Variants in AK8 observed in about 807,000 individuals in gnomAD.
AK8 encodes the protein ATP-AMP transphosphorylase 8.
A neutral mutation model predicts 54.6 loss-of-function variants in AK8; 44 were observed. The ratio of observed to expected loss-of-function variants is 0.81; its 90% CI spans 0.63 to 1.04. AK8 has a LOEUF of 1.04. AK8 is among the 50% of genes least tolerant of loss of function. The pLI, the probability that AK8 is intolerant of heterozygous loss-of-function variation, is 0.00. For missense variants in AK8, 555 were observed against 613.6 expected (o/e 0.90, Z 1.01); for synonymous variants, 239 against 245.6 (o/e 0.97, Z 0.25).
chr9:132,741,502 T>C (rs1427610765), intron 11 of AK8, among the ~76,000 whole-genome samples: 9 of 152,158 alleles, frequency 5.9e-5, no homozygotes, highest in Non-Finnish European at 1.0e-4. Context: ...TTGGTGAACA[T>C]TTCCTCCGTG....
At chr9:132,834,310 G>A (rs1157902429) in intron 5 of AK8, among the ~76,000 whole-genome samples, 1 of 152,130 alleles carries the variant, frequency 6.6e-6, no homozygotes, top group Non-Finnish European at 1.5e-5. Context: ...CTACCTTGAT[G>A]AACATAAAAA....
rs550080231 is a variant in AK8 at position 132,823,453 on chromosome 9, C to T, written c.758-117G>A. 126 of 1,375,726 alleles carry T rather than the reference C, an allele frequency of 9.2e-5. No individual in the cohort carries two copies. The African/African-American group carries it at 1.5e-3, about 16-fold the overall frequency. 85.2% of individuals were successfully genotyped at this position (1,375,726 alleles called of 1,614,324 possible). A position where few individuals can be genotyped will look rare whatever the true frequency, so the allele number is the denominator to read the frequency against. On this transcript the variant is annotated intron_variant, in intron 8 of 12. Transcript: ENST00000298545. ...GTAACTCTTTTTCTCTTTCACAGCACCATGGAAGCCCTCTGTGCATCTGGC... is the reference window on the plus strand; with the variant it reads ...GTAACTCTTTTTCTCTTTCACAGCATCATGGAAGCCCTCTGTGCATCTGGC...
intron 11 of AK8, among the ~76,000 whole-genome samples, chr9:132,740,717 C>A (rs1016643778): frequency 1.3e-5 from 2 of 152,098 alleles, no homozygotes; most frequent in African/African-American, 2.4e-5. Flanking sequence ...GAGCACCCCC[C>A]CGCCCCACTC....
chr9:132,778,096 C>T (rs1839305299), intron 11 of AK8, among the ~76,000 whole-genome samples: 1 of 152,180 alleles, frequency 6.6e-6, no homozygotes, highest in Non-Finnish European at 1.5e-5. Flanking sequence ...TAGGATGGGC[C>T]TTCTGTTAGG....
chr9:132,822,929 A>G (rs928209402), intron 9 of AK8, among the ~76,000 whole-genome samples: 13 of 152,148 alleles, frequency 8.5e-5, no homozygotes, highest in African/African-American at 3.1e-4. Flanking sequence ...CCCGCTCCAA[A>G]GGATATAAAA....
intron 5 of AK8, among the ~76,000 whole-genome samples, chr9:132,851,715 C>T (rs1000381765): frequency 1.3e-5 from 2 of 152,198 alleles, no homozygotes; most frequent in Non-Finnish European, 2.9e-5. Context: ...TTGCTGAACA[C>T]AGGACTGACA....
At chr9:132,736,709 C>T (rs1438802506) in intron 11 of AK8, among the ~76,000 whole-genome samples, 2 of 145,966 alleles carry the variant, frequency 1.4e-5, no homozygotes, top group African/African-American at 2.5e-5. Context: ...GGCGTGAACC[C>T]GGGAGGCGAA....
At chr9:132,809,525 A>G (rs1215052596) in intron 10 of AK8, among the ~76,000 whole-genome samples, 1 of 152,180 alleles carries the variant, frequency 6.6e-6, no homozygotes, top group Non-Finnish European at 1.5e-5. Context: ...CCACTCAGTC[A>G]GGGCTCTTCC....
chr9:132,758,512 C>T (rs939715304), intron 11 of AK8, among the ~76,000 whole-genome samples: 19 of 152,034 alleles, frequency 1.2e-4, no homozygotes, highest in Admixed American at 2.6e-4. Flanking sequence ...TGCAATGGTG[C>T]GATCTCGGCT....
chr9:132,841,993 G>A (rs1842564213), intron 5 of AK8, among the ~76,000 whole-genome samples: 2 of 152,284 alleles, frequency 1.3e-5, no homozygotes, highest in South Asian at 2.1e-4. Context: ...TTCTCAAGGT[G>A]TAGGAGTCCA....
At chr9:132,731,061 T>A (rs900165036) in intron 11 of AK8, among the ~76,000 whole-genome samples, 6 of 152,184 alleles carry the variant, frequency 3.9e-5, no homozygotes, top group Non-Finnish European at 8.8e-5. Context: ...GAAAGACGGA[T>A]CCCAAATGTC....
Position 132,803,311 on chromosome 9 carries a change from T to C in AK8, c.980-10536A>G, listed in dbSNP as rs1261974002. 2.6e-5 allele frequency among the ~76,000 whole-genome samples: 4 copies of C among 152,070 alleles called. No individual in the cohort carries two copies. Among genetic ancestry groups the C allele is most frequent in the African/African-American group, 7.2e-5 (3 of 41,400 alleles). ...CATCAGAGTAATGCAAACTGGAGCT[T>C]TGTCAGTTCCCAGTTACCGCAGGGA... On this transcript the variant is annotated intron_variant, in intron 10 of 12. Coordinates refer to ENST00000298545, the MANE Select transcript of AK8 (RefSeq NM_152572.3). This position sits in a 1 kb window ranked among gnomAD's most constrained non-coding sequence, Gnocchi z 4.4.
chr9:132,826,319 C>T lies in AK8; in HGVS notation c.757+535G>A, dbSNP rs543094555. 1.3e-4 allele frequency among the ~76,000 whole-genome samples: 20 copies of T among 152,290 alleles called. No homozygotes were observed. In the South Asian group the frequency reaches 3.9e-3, roughly 30 times the overall value. ...ATCCCCGCACCTCGCACAGGCTGCC[C>T]GCAGTGGCTCCCGAGCTGCTGTGAA... On this transcript the variant is annotated intron_variant, in intron 8 of 12. Transcript: ENST00000298545. The surrounding 1 kb of genome is among the most constrained non-coding windows in gnomAD (Gnocchi z 4.5).
chr9:132,753,275 A>G (rs1838035372), intron 11 of AK8, among the ~76,000 whole-genome samples: 1 of 152,212 alleles, frequency 6.6e-6, no homozygotes, highest in South Asian at 2.1e-4. Context: ...TTGCCGCTCC[A>G]CTGCCAAGAA....
At chr9:132,745,724 G>A (rs1393896434) in intron 11 of AK8, among the ~76,000 whole-genome samples, 1 of 152,094 alleles carries the variant, frequency 6.6e-6, no homozygotes, top group African/African-American at 2.4e-5. Context: ...GAAGCCCAAT[G>A]TCCCCAGTGC....
At chr9:132,744,030 C>T (rs184472265) in intron 11 of AK8, among the ~76,000 whole-genome samples, 143 of 152,290 alleles carry the variant, frequency 9.4e-4, no homozygotes, top group African/African-American at 3.2e-3. Context: ...AGCCAGCTAG[C>T]GGGAGGGACG....
chr9:132,784,313 G>A (rs1187906135), intron 11 of AK8, among the ~76,000 whole-genome samples: 1 of 152,140 alleles, frequency 6.6e-6, no homozygotes, highest in East Asian at 1.9e-4. Context: ...GAGGTCAGGA[G>A]TTCAAGACCA....
intron 11 of AK8, among the ~76,000 whole-genome samples, chr9:132,783,100 G>A (rs764295395): frequency 1.3e-5 from 2 of 152,160 alleles, no homozygotes; most frequent in African/African-American, 2.4e-5. Context: ...GTGTTGATAT[G>A]GTAAGATTAT....
chr9:132,733,720 G>A (rs1469244026), intron 11 of AK8, among the ~76,000 whole-genome samples: 3 of 152,270 alleles, frequency 2.0e-5, no homozygotes, highest in Non-Finnish European at 4.4e-5. Context: ...CTACTGCTCT[G>A]TGCATGCCAC....
Sources: allele counts gnomAD v4.1 joint callset (sites outside exome capture counted in the v4.1 genomes callset), GRCh38; gene constraint gnomAD v4.1.1; non-coding constraint Gnocchi (gnomAD v3.1); transcripts MANE v1.5; gene names NCBI Gene and HGNC (gene_info 2026-07-23, HGNC 2026-07-21).